ANKRD6: variants seen among roughly 807,000 people sequenced by gnomAD.
The protein encoded by ANKRD6 is ankyrin repeat domain-containing protein 6.
In ANKRD6, 56 loss-of-function variants were observed where a neutral mutation model predicts 82.3. The ratio of observed to expected loss-of-function variants is 0.68; its 90% CI spans 0.55 to 0.85. ANKRD6 has a LOEUF of 0.85. Ranked by LOEUF, ANKRD6 falls within the 40% of genes least tolerant of loss-of-function variation. The pLI is 0.00. For missense variants in ANKRD6, 852 were observed against 907.6 expected (o/e 0.94, Z 0.79); for synonymous variants, 347 against 352.1 (o/e 0.99, Z 0.16).
Position 89,633,022 on chromosome 6 carries a change from A to T in ANKRD6, c.*2018A>T, listed in dbSNP as rs1312994034. ...ACTAAATTTTAAGTATCAAGTCTAGACCATAGAGTGCTTTGGTGGGAGTAT... is the reference window on the plus strand; with the variant it reads ...ACTAAATTTTAAGTATCAAGTCTAGTCCATAGAGTGCTTTGGTGGGAGTAT... On this transcript the variant is annotated 3_prime_UTR_variant, in exon 16 of 16. Transcript: ENST00000339746. 6.6e-6 allele frequency: 1 copy of T among 152,218 alleles called. No individual in the cohort carries two copies. The highest frequency in any genetic ancestry group is 1.5e-5 in the Non-Finnish European group (1 of 68,038). 9.4% of individuals were successfully genotyped at this position (152,218 alleles called of 1,614,324 possible).
In ANKRD6 at chr6:89,617,982, G is replaced by A. The variant is rs375720646; in HGVS notation, c.743G>A (p.Arg248His). 14 of 1,613,886 alleles carry A rather than the reference G, an allele frequency of 8.7e-6. No individual in the cohort carries two copies. The highest frequency in any genetic ancestry group is 3.3e-5 in the Admixed American group (2 of 60,006). Residue 248 changes from arginine to histidine, a missense_variant, in exon 9 of 16, where the codon CGC becomes CAC. Transcript: ENST00000339746. ...GGCCAGACTCCGCTGGAGACTGCCC[G>A]CTACCACAATAACCCGGAAGTTGCT... ...NAGQTPLETA[R>H]YHNNPEVALL...
intron 10 of ANKRD6, among the ~76,000 whole-genome samples, chr6:89,623,024 G>A (rs1418418362): frequency 8.1e-6 from 1 of 123,880 alleles, no homozygotes; most frequent in African/African-American, 2.7e-5. Context: ...GTGGGGGGTG[G>A]GGGGGGCGGG....
intron 1 of ANKRD6, among the ~76,000 whole-genome samples, chr6:89,495,004 G>A (rs970292485): frequency 6.6e-6 from 1 of 152,164 alleles, no homozygotes; most frequent in African/African-American, 2.4e-5. Context: ...GGAGGCCGAG[G>A]TGGGCGGATC....
At chr6:89,535,829 A>G (rs1376404616) in intron 1 of ANKRD6, among the ~76,000 whole-genome samples, 1 of 152,142 alleles carries the variant, frequency 6.6e-6, no homozygotes, top group East Asian at 1.9e-4. Context: ...AGACCCCAAC[A>G]CTTACCAGTT....
intron 1 of ANKRD6, among the ~76,000 whole-genome samples, chr6:89,462,865 GTTT>G (rs751083567): frequency 7.8e-6 from 1 of 127,504 alleles, no homozygotes; most frequent in Admixed American, 7.9e-5. Context: ...TGAGTTTTTA[GTTT>G]TTTTTTTTTT....
chr6:89,630,703 C>T lies in ANKRD6; in HGVS notation c.1883C>T (p.Pro628Leu), dbSNP rs1237983071. The change falls in exon 16 of 16, where the codon CCA becomes CTA. Residue 628 changes from proline (P) to leucine (L), a missense_variant. Transcript: ENST00000339746. ...ACTAAGAAGTCTGGGAAGAGTGGGC[C>T]AACAAGGCATCGTGCCCAGCAACCC... ...TQTKKSGKSG[P>L]TRHRAQQPAA... 2 of 1,613,950 alleles carry T rather than the reference C, an allele frequency of 1.2e-6. No individual in the cohort carries two copies. Among genetic ancestry groups the T allele is most frequent in the Non-Finnish European group, 1.7e-6 (2 of 1,179,874 alleles).
intron 2 of ANKRD6, among the ~76,000 whole-genome samples, chr6:89,575,717 T>C (rs1790974766): frequency 1.3e-5 from 2 of 152,140 alleles, no homozygotes; most frequent in African/African-American, 4.8e-5. Context: ...ATGGTTTCCC[T>C]TGAGAGGAAA....
At chr6:89,452,005 TG>T (rs1772886408) in intron 1 of ANKRD6, among the ~76,000 whole-genome samples, 1 of 152,050 alleles carries the variant, frequency 6.6e-6, no homozygotes, top group South Asian at 2.1e-4. Flanking sequence ...AAAACCAGCC[TG>T]GGAAACAGCA....
At chr6:89,479,594 T>G (rs1776525572) in intron 1 of ANKRD6, among the ~76,000 whole-genome samples, 1 of 149,958 alleles carries the variant, frequency 6.7e-6, no homozygotes, top group Non-Finnish European at 1.5e-5. Context: ...CTTTTTTTAT[T>G]TTTTATTTTT....
At chr6:89,458,784 A>G (rs1773776784) in intron 1 of ANKRD6, among the ~76,000 whole-genome samples, 1 of 152,210 alleles carries the variant, frequency 6.6e-6, no homozygotes, top group Non-Finnish European at 1.5e-5. Context: ...ACCCAGGAAC[A>G]ATACTTTGCA....
intron 1 of ANKRD6, among the ~76,000 whole-genome samples, chr6:89,517,637 A>C (rs1366642627): frequency 6.6e-6 from 1 of 152,278 alleles, no homozygotes; most frequent in Non-Finnish European, 1.5e-5. Flanking sequence ...TTGTTTAATC[A>C]ACATGATCAT....
chr6:89,509,426 TTAAAGA>T (rs1478043702), intron 1 of ANKRD6, among the ~76,000 whole-genome samples: 7 of 152,128 alleles, frequency 4.6e-5, no homozygotes, highest in African/African-American at 1.4e-4. Flanking sequence ...GCCCCTTCAC[TTAAAGA>T]TAAGAAAGAA....
At chr6:89,481,746 G>A (rs1015666501) in intron 1 of ANKRD6, among the ~76,000 whole-genome samples, 3 of 152,084 alleles carry the variant, frequency 2.0e-5, no homozygotes, top group African/African-American at 7.2e-5. Context: ...TACTGCTGCT[G>A]CTGCTGGTGG....
rs192454016 is a variant in ANKRD6 at position 89,605,909 on chromosome 6, G to A, written c.319-98G>A. 61 of 772,914 alleles carry A rather than the reference G, an allele frequency of 7.9e-5. No homozygotes were observed. The East Asian group carries it at 8.9e-4, about 11-fold the overall frequency. 47.9% of individuals were successfully genotyped at this position (772,914 alleles called of 1,614,324 possible). A position where few individuals can be genotyped will look rare whatever the true frequency, so the allele number is the denominator to read the frequency against. ...TGAGAAAGTCCAATTGAGAAAGGCC[G>A]TCTGGTGTTCCGTAAAAATCCACTG... On this transcript the variant is annotated intron_variant, in intron 4 of 15. Coordinates refer to ENST00000339746, the MANE Select transcript of ANKRD6 (RefSeq NM_001242809.2).
chr6:89,546,179 A>G (rs1175228785), intron 1 of ANKRD6, among the ~76,000 whole-genome samples: 2 of 152,208 alleles, frequency 1.3e-5, no homozygotes, highest in East Asian at 1.9e-4. Flanking sequence ...TGACACTTTG[A>G]GAAGTTAAGC....
At position 89,617,993 on chromosome 6, in the gene ANKRD6, A is replaced by G. The variant is rs756231723; in HGVS notation, c.754A>G (p.Asn252Asp). ...TPLETARYHN[N>D]PEVALLLTKA... ...GCTGGAGACTGCCCGCTACCACAATAACCCGGAAGTTGCTCTTCTCCTTAC... is the reference window on the plus strand; with the variant it reads ...GCTGGAGACTGCCCGCTACCACAATGACCCGGAAGTTGCTCTTCTCCTTAC... The change falls in exon 9 of 16, where the codon AAC (asparagine) becomes GAC (aspartate). Residue 252 changes from asparagine to aspartate, a missense_variant. Coordinates refer to ENST00000339746, the MANE Select transcript of ANKRD6 (RefSeq NM_001242809.2). The G allele has an allele frequency of 3.7e-5, 59 of 1,613,870 alleles. No homozygotes were observed. Among genetic ancestry groups the G allele is most frequent in the Non-Finnish European group, 4.9e-5 (58 of 1,179,898 alleles).
intron 1 of ANKRD6, among the ~76,000 whole-genome samples, chr6:89,469,318 CA>C (rs1308367320): frequency 6.6e-6 from 1 of 152,160 alleles, no homozygotes; most frequent in Non-Finnish European, 1.5e-5. Flanking sequence ...ATCTCTGCCA[CA>C]TTAGCTTTTT....
intron 1 of ANKRD6, among the ~76,000 whole-genome samples, chr6:89,535,583 T>C (rs1783724057): frequency 6.6e-6 from 1 of 152,196 alleles, no homozygotes; most frequent in Admixed American, 6.5e-5. Context: ...CTCCATTGAG[T>C]GGGCAGCTCT....
intron 1 of ANKRD6, among the ~76,000 whole-genome samples, chr6:89,450,426 G>A (rs78450211): frequency 0.031 from 4,671 of 152,218 alleles, 97 homozygotes; most frequent in Middle Eastern, 0.055. Context: ...ATCAGCCACC[G>A]GGCTTGAGAC....
Sources: gnomAD v4.1 joint callset for allele counts (sites outside exome capture counted in the v4.1 genomes callset) on GRCh38, gnomAD v4.1.1 for gene constraint, MANE v1.5 for transcripts, NCBI Gene and HGNC (gene_info 2026-07-23, HGNC 2026-07-21) for gene names.